TTC39B: variants seen among roughly 807,000 people sequenced by gnomAD.
TTC39B encodes the protein tetratricopeptide repeat protein 39B.
A neutral mutation model predicts 96.6 loss-of-function variants in TTC39B; 92 were observed. The observed-to-expected ratio is 0.95, with a 90% CI of 0.80 to 1.13. The LOEUF is 1.13. Among genes scored for constraint, TTC39B ranks in the 50% most tolerant of loss-of-function variants. TTC39B has a pLI of 0.00. For missense variants in TTC39B, 955 were observed against 809.3 expected, an observed-to-expected ratio of 1.18 and a Z score of -2.18; for synonymous variants, 367 against 299.4, an observed-to-expected ratio of 1.23 and a Z score of -2.33.
At position 15,192,696 on chromosome 9, in the gene TTC39B, C is replaced by G. The variant is rs766681416; in HGVS notation, c.825-1G>C. 6.2e-6 allele frequency: 10 copies of G among 1,610,288 alleles called. No individual in the cohort carries two copies. The highest frequency in any genetic ancestry group is 8.5e-6 in the Non-Finnish European group (10 of 1,178,030). ...TTCATGCAGGATAGAAAGACATTCT[C>G]TGGGTTGAAGAAAAAAAGTGACAGC... is the stretch of plus-strand genomic sequence containing the variant. On this transcript the variant is annotated splice_acceptor_variant, in intron 8 of 19. Coordinates refer to ENST00000512701, the Ensembl canonical transcript of TTC39B. LOFTEE classifies it high-confidence loss of function.
rs758400620 is a variant in TTC39B at position 15,246,342 on chromosome 9, A to AGACTCACC, written c.276-20331_276-20330insGGTGAGTC. Among the ~76,000 whole-genome samples the AGACTCACC allele has an allele frequency of 3.6e-3, 552 of 152,298 alleles. 1 individual carries two copies. The highest frequency in any genetic ancestry group is 5.2e-3 in the Non-Finnish European group (354 of 68,018). On this transcript the variant is annotated intron_variant, in intron 2 of 19. Coordinates refer to ENST00000512701, the Ensembl canonical transcript of TTC39B. ...ATGTTAGTCTGCAGAGGGGTATCTC[A>AGACTCACC]TTAAGGTGAGGAGACTCACCTTAAC...
intron 3 of TTC39B, among the ~76,000 whole-genome samples, chr9:15,215,458 G>GAGGCAGGAGAATCACTTGA (rs1157546523): frequency 4.0e-5 from 6 of 151,880 alleles, no homozygotes; most frequent in Non-Finnish European, 8.8e-5. Context: ...TCGGGAGGCT[G>GAGGCAGGAGAATCACTTGA]AGGCAGGAGA....
At chr9:15,199,155 G>A (rs1327868938) in intron 8 of TTC39B, among the ~76,000 whole-genome samples, 1 of 152,148 alleles carries the variant, frequency 6.6e-6, no homozygotes, top group Non-Finnish European at 1.5e-5. Context: ...AATCAATAAG[G>A]ATATGAACAA....
intron 16 of TTC39B, among the ~76,000 whole-genome samples, chr9:15,184,508 T>A (rs1173337996): frequency 6.6e-6 from 1 of 151,964 alleles, no homozygotes; most frequent in African/African-American, 2.4e-5. Flanking sequence ...TGACTATCTA[T>A]ATAAAAACTA....
chr9:15,261,759 C>T (rs1401667706), intron 2 of TTC39B, among the ~76,000 whole-genome samples: 2 of 152,208 alleles, frequency 1.3e-5, no homozygotes, highest in African/African-American at 4.8e-5. Flanking sequence ...CAAAAGATAG[C>T]TTTCTTTTGG....
chr9:15,202,831 T>C (rs527684855), intron 7 of TTC39B, among the ~76,000 whole-genome samples: 1 of 152,230 alleles, frequency 6.6e-6, no homozygotes, highest in Non-Finnish European at 1.5e-5. Context: ...TCACCCTCAC[T>C]GTAGCCATCA....
exon 20 of TTC39B, chr9:15,170,268 G>C (rs1202408894): frequency 4.3e-5 from 4 of 93,336 alleles, no homozygotes; most frequent in Non-Finnish European, 8.8e-5. Flanking sequence ...CACACTGCTT[G>C]ATACAGGTCC....
chr9:15,233,689 G>C (rs1030116599), intron 2 of TTC39B, among the ~76,000 whole-genome samples: 6 of 152,194 alleles, frequency 3.9e-5, no homozygotes, highest in Non-Finnish European at 7.4e-5. Flanking sequence ...GTGCAGTGGC[G>C]TGATCTCGGC....
intron 19 of TTC39B, among the ~76,000 whole-genome samples, chr9:15,173,389 T>C (rs1244073472): frequency 6.6e-6 from 1 of 152,158 alleles, no homozygotes; most frequent in Admixed American, 6.6e-5. Context: ...ACAGCAAACA[T>C]CCTAAAAGAG....
chr9:15,227,838 T>C (rs530608988), intron 2 of TTC39B, among the ~76,000 whole-genome samples: 6 of 152,194 alleles, frequency 3.9e-5, no homozygotes, highest in African/African-American at 1.2e-4. Flanking sequence ...CTCCCCAATA[T>C]TGAAATTTTT....
At position 15,207,983 on chromosome 9, in the gene TTC39B, C is replaced by CAA. The variant is rs531829809; in HGVS notation, c.691+2103_691+2104dup. On this transcript the variant is annotated intron_variant, in intron 6 of 19. Transcript: ENST00000512701. ...TGGGCAACAGAGTGAGACTTGGTCT[C>CAA]AAAAAAAAAAAAAAAAAAAAAGGAG... is the stretch of plus-strand genomic sequence containing the variant. Among the ~76,000 whole-genome samples, 630 of 84,436 alleles carry CAA rather than the reference C, an allele frequency of 7.5e-3. 17 individuals carry two copies. Among genetic ancestry groups the CAA allele is most frequent in the African/African-American group, 0.027 (561 of 21,158 alleles). 55.4% of individuals were successfully genotyped at this position (84,436 alleles called of 152,430 possible). A position where few individuals can be genotyped will look rare whatever the true frequency, so the allele number is the denominator to read the frequency against.
intron 2 of TTC39B, among the ~76,000 whole-genome samples, chr9:15,259,243 G>A (rs576768433): frequency 7.2e-5 from 11 of 152,278 alleles, no homozygotes; most frequent in African/African-American, 2.6e-4. Context: ...TCAAAGTTAT[G>A]TTCTTAGGGA....
At chr9:15,265,781 C>T (rs1823108584) in intron 2 of TTC39B, among the ~76,000 whole-genome samples, 1 of 152,114 alleles carries the variant, frequency 6.6e-6, no homozygotes, top group Non-Finnish European at 1.5e-5. Flanking sequence ...ATAAGAATGG[C>T]CCTTTCCATC....
At chr9:15,171,042 G>A (rs1817634707) in exon 20 of TTC39B, 1 of 152,162 alleles carries the variant, frequency 6.6e-6, no homozygotes. Flanking sequence ...AGCAGAACCA[G>A]GACCATATGG....
At chr9:15,172,045 G>A (rs776759759) in exon 20 of TTC39B, 1 of 1,612,800 alleles carries the variant, frequency 6.2e-7, no homozygotes, top group Non-Finnish European at 8.5e-7. Flanking sequence ...TTTCTCCAGA[G>A]GTGAAGAGCT....
chr9:15,237,037 G>A (rs571225361), intron 2 of TTC39B, among the ~76,000 whole-genome samples: 92 of 152,190 alleles, frequency 6.0e-4, no homozygotes, highest in African/African-American at 2.1e-3. Context: ...TAAACTGGCT[G>A]GGCACAGTGG....
intron 1 of TTC39B, among the ~76,000 whole-genome samples, chr9:15,305,617 C>T (rs536416755): frequency 7.3e-5 from 11 of 151,564 alleles, no homozygotes; most frequent in South Asian, 6.3e-4. Context: ...GCCAGGCTCT[C>T]TGCTACTCTG....
rs1823671436 is a variant in TTC39B, at chr9:15,279,467, A to G, written c.241-11519T>C. On this transcript the variant is annotated intron_variant, in intron 1 of 19. Transcript: ENST00000512701. ...GACTTGAGCTCACAAGCTTAGAACC[A>G]CTCTATCTGGGTTCAAATCCCAGTT... Among the ~76,000 whole-genome samples the G allele has an allele frequency of 2.6e-5, 4 of 152,036 alleles. No individual in the cohort carries two copies. The South Asian group carries it at 8.3e-4, about 32-fold the overall frequency.
chr9:15,291,234 C>G (rs915135683), intron 1 of TTC39B, among the ~76,000 whole-genome samples: 1 of 152,172 alleles, frequency 6.6e-6, no homozygotes, highest in African/African-American at 2.4e-5. Context: ...CCCACAACTC[C>G]CATGCGCTGT....
Sources: allele counts gnomAD v4.1 joint callset (sites outside exome capture counted in the v4.1 genomes callset), GRCh38; gene constraint gnomAD v4.1.1; transcripts MANE v1.5; gene names NCBI Gene and HGNC (gene_info 2026-07-23, HGNC 2026-07-21).